PPP2R5C: variants seen among roughly 807,000 people sequenced by gnomAD.
The protein encoded by PPP2R5C is protein phosphatase 2 regulatory subunit B'gamma.
A neutral mutation model predicts 68.9 loss-of-function variants in PPP2R5C; 7 were observed. The ratio of observed to expected loss-of-function variants is 0.10; its 90% CI spans 0.06 to 0.19. The LOEUF is 0.19. Among genes scored for constraint, PPP2R5C ranks in the 10% least tolerant of loss-of-function variants. The probability of loss-of-function intolerance (pLI) is 1.00; values close to 1 mark genes in which losing one functional copy is unlikely to be tolerated. For synonymous variants in PPP2R5C, 210 were observed against 222.2 expected (o/e 0.95, Z 0.49); for missense variants, 348 against 641.3 (o/e 0.54, Z 4.94).
chr14:101,773,635 G>T (rs80145079), intron 2 of PPP2R5C, among the ~76,000 whole-genome samples: 4,477 of 152,208 alleles, frequency 0.029, 103 homozygotes, highest in East Asian at 0.14. Flanking sequence ...GGTAGGGTAA[G>T]ATCTTATAAA....
intron 3 of PPP2R5C, among the ~76,000 whole-genome samples, chr14:101,790,702 T>C (rs1262742608): frequency 2.0e-5 from 3 of 152,392 alleles, no homozygotes; most frequent in African/African-American, 7.2e-5. Context: ...CATAGAAGTC[T>C]GTGCGAGCAG....
exon 14 of PPP2R5C, chr14:101,927,873 G>T (rs765909810): frequency 6.6e-6 from 1 of 152,184 alleles, no homozygotes; most frequent in Non-Finnish European, 1.5e-5. Context: ...TGTTTATGAA[G>T]AGAAACTTCA....
rs185591478 is a variant in PPP2R5C at position 101,874,380 on chromosome 14, T to C, written c.295-7781T>C. On this transcript the variant is annotated intron_variant, in intron 2 of 13. Transcript: ENST00000334743. ...TAGATGATAGCTGTTCGCTATAAAATTCTTTCAACTTTATTGCATTGAAAT... is the reference window on the plus strand; with the variant it reads ...TAGATGATAGCTGTTCGCTATAAAACTCTTTCAACTTTATTGCATTGAAAT... 3.3e-5 allele frequency among the ~76,000 whole-genome samples: 5 copies of C among 152,358 alleles called. 1 individual carries two copies. The highest frequency in any genetic ancestry group is 1.2e-4 in the African/African-American group (5 of 41,588).
intron 1 of PPP2R5C, among the ~76,000 whole-genome samples, chr14:101,854,646 G>A (rs2042319742): frequency 6.6e-6 from 1 of 152,062 alleles, no homozygotes; most frequent in Non-Finnish European, 1.5e-5. Context: ...ACACCCCGCC[G>A]CCCCCAGGAC....
intron 1 of PPP2R5C, chr14:101,831,657 T>G: frequency 1.5e-6 from 1 of 660,388 alleles, no homozygotes; most frequent in Non-Finnish European, 2.8e-6. Context: ...AAGTTTGAAC[T>G]GCACAGGTCC....
At chr14:101,895,633 G>A (rs1364938502) in intron 8 of PPP2R5C, among the ~76,000 whole-genome samples, 2 of 152,126 alleles carry the variant, frequency 1.3e-5, no homozygotes, top group Non-Finnish European at 2.9e-5. Context: ...TTCTTGGGTT[G>A]CGTATCAGAA....
chr14:101,884,274 C>T (rs2044345361), intron 5 of PPP2R5C, among the ~76,000 whole-genome samples: 1 of 152,196 alleles, frequency 6.6e-6, no homozygotes, highest in South Asian at 2.1e-4. Flanking sequence ...TTAGATGGTG[C>T]CCACCCAGGT....
intron 3 of PPP2R5C, among the ~76,000 whole-genome samples, chr14:101,791,067 A>G (rs2038339802): frequency 6.6e-6 from 1 of 152,196 alleles, no homozygotes; most frequent in Admixed American, 6.5e-5. Flanking sequence ...GCAACAGAGC[A>G]AGACTCCGTC....
intron 1 of PPP2R5C, among the ~76,000 whole-genome samples, chr14:101,837,859 C>T (rs1391118283): frequency 6.6e-6 from 1 of 152,214 alleles, no homozygotes; most frequent in Non-Finnish European, 1.5e-5. Context: ...ATCCGCATTT[C>T]ACAGATGGGG....
chr14:101,830,814 G>A (rs2040689943), intron 1 of PPP2R5C, among the ~76,000 whole-genome samples: 1 of 152,132 alleles, frequency 6.6e-6, no homozygotes, highest in South Asian at 2.1e-4. Flanking sequence ...CAGCCCTCGG[G>A]GAGCTTGCAG....
chr14:101,829,678 G>T (rs2040617395), intron 1 of PPP2R5C, among the ~76,000 whole-genome samples: 1 of 152,068 alleles, frequency 6.6e-6, no homozygotes, highest in African/African-American at 2.4e-5. Flanking sequence ...TGTGTGTTTG[G>T]TCGGTGTTTA....
At chr14:101,832,508 G>A (rs2040809604) in intron 1 of PPP2R5C, among the ~76,000 whole-genome samples, 1 of 152,184 alleles carries the variant, frequency 6.6e-6, no homozygotes, top group Non-Finnish European at 1.5e-5. Flanking sequence ...GATCTTGAAG[G>A]TGTTCATGCA....
intron 1 of PPP2R5C, among the ~76,000 whole-genome samples, chr14:101,811,643 AAGTT>A (rs2039368949): frequency 6.6e-6 from 1 of 152,208 alleles, no homozygotes; most frequent in Non-Finnish European, 1.5e-5. Context: ...GTACCTGGCC[AAGTT>A]AGTTCTTAAA....
chr14:101,853,135 A>G (rs1275236060), intron 1 of PPP2R5C, among the ~76,000 whole-genome samples: 1 of 152,204 alleles, frequency 6.6e-6, no homozygotes, highest in Non-Finnish European at 1.5e-5. Flanking sequence ...ATGTTGATGA[A>G]GAAGTTGTTA....
At chr14:101,774,249 T>C (rs1333153220) in intron 2 of PPP2R5C, among the ~76,000 whole-genome samples, 2 of 152,236 alleles carry the variant, frequency 1.3e-5, no homozygotes, top group African/African-American at 4.8e-5. Flanking sequence ...GAGCTGGCTC[T>C]TGTGACTTTT....
rs2044238791 is a variant in PPP2R5C, at chr14:101,882,717, G to A, written c.405+446G>A. 1 of 161,886 alleles carries A rather than the reference G, an allele frequency of 6.2e-6. No homozygotes were observed. Among genetic ancestry groups the A allele is most frequent in the South Asian group, 1.8e-4 (1 of 5,504 alleles). The allele number at this position is 161,886 out of a possible 1,614,324, so 10.0% of individuals were successfully genotyped here. ...GGCATGAGCAGAGCGGGGGCCAGGT[G>A]TGCGGGTGGGAGGGCCATCCATCCG... On this transcript the variant is annotated intron_variant, in intron 3 of 13. Coordinates refer to ENST00000334743, the Ensembl canonical transcript of PPP2R5C. This position sits in a 1 kb window ranked among gnomAD's most constrained non-coding sequence, Gnocchi z 4.9.
At chr14:101,827,727 C>G (rs941992824) in intron 1 of PPP2R5C, among the ~76,000 whole-genome samples, 1 of 152,190 alleles carries the variant, frequency 6.6e-6, no homozygotes, top group Non-Finnish European at 1.5e-5. Context: ...GCCATAAGTG[C>G]AGGCTCAGGT....
intron 5 of PPP2R5C, among the ~76,000 whole-genome samples, chr14:101,886,666 AAAG>A (rs1219146767): frequency 6.6e-6 from 1 of 152,212 alleles, no homozygotes; most frequent in Non-Finnish European, 1.5e-5. Flanking sequence ...GAGGAAAAAA[AAAG>A]AAGAAAGATC....
In PPP2R5C at chr14:101,917,918, A is replaced by G. The variant is rs766510990; in HGVS notation, c.1414A>G (p.Arg472Gly). ...TTTATTTGAAGATGTGCAGATGCTG[A>G]GAAAGACAGTGAAGGACGAGGCTCA... Residue 472 changes from arginine to glycine, a missense_variant, in exon 13 of 14, where the codon AGA (arginine) becomes GGA (glycine). By Grantham distance (125) the Arg-to-Gly change is moderately radical. Around this residue, in one of 4 missense-constraint regions of PPP2R5C, gnomAD observed 118 missense variants for 108.9 expected, o/e 1.08. Coordinates refer to ENST00000334743, the Ensembl canonical transcript of PPP2R5C. The surrounding 1 kb of genome is among the most constrained non-coding windows in gnomAD (Gnocchi z 4.4). The G allele has an allele frequency of 1.4e-5, 23 of 1,613,904 alleles. No individual in the cohort carries two copies. The East Asian group carries it at 4.9e-4, about 34-fold the overall frequency.
Sources: gnomAD v4.1 joint callset for allele counts (sites outside exome capture counted in the v4.1 genomes callset) on GRCh38, gnomAD v4.1.1 for gene constraint, gnomAD v4.1.1 regional missense constraint, Gnocchi (gnomAD v3.1) non-coding constraint, MANE v1.5 for transcripts, NCBI Gene and HGNC (gene_info 2026-07-23, HGNC 2026-07-21) for gene names.